COLGALT1: variants seen among roughly 807,000 people sequenced by gnomAD.
COLGALT1 encodes procollagen galactosyltransferase 1.
Under a neutral mutation model 60.8 loss-of-function variants are expected in COLGALT1, and 43 were observed. The observed-to-expected ratio is 0.71, with a 90% CI of 0.55 to 0.91. The LOEUF (loss-of-function observed/expected upper bound fraction) is 0.91, where lower values mean the gene tolerates loss of function less well. Ranked by LOEUF, COLGALT1 falls within the 40% of genes least tolerant of loss-of-function variation. The pLI is 0.00. For missense variants in COLGALT1, 845 were observed against 880.0 expected, an observed-to-expected ratio of 0.96 and a Z score of 0.50; for synonymous variants, 369 against 374.2, an observed-to-expected ratio of 0.99 and a Z score of 0.16.
intron 4 of COLGALT1, among the ~76,000 whole-genome samples, chr19:17,567,969 A>T (rs1016379431): frequency 2.2e-4 from 33 of 151,756 alleles, no homozygotes; most frequent in Admixed American, 9.2e-4. Flanking sequence ...CAAAACAAAA[A>T]CTCATTATGG....
Position 17,572,601 on chromosome 19 carries a change from G to C in COLGALT1, c.948G>C (p.Met316Ile), listed in dbSNP as rs1183540949. 3 of 1,613,868 alleles carry C rather than the reference G, an allele frequency of 1.9e-6. No individual in the cohort carries two copies. Among genetic ancestry groups the C allele is most frequent in the Non-Finnish European group, 2.5e-6 (3 of 1,180,032 alleles). ...ESFMHVQLEV[M>I]VKHPPAEPSR... ...TCATGCATGTGCAGCTGGAGGTCAT[G>C]GGTGAGTCTGCCTGCACACCGCCCT... The change falls in exon 6 of 12, where the codon ATG (methionine) becomes ATC (isoleucine). Residue 316 changes from methionine (M) to isoleucine (I), a missense_variant and splice_region_variant. Met to Ile is a conservative substitution (Grantham distance 10). Coordinates refer to ENST00000252599, the MANE Select transcript of COLGALT1 (RefSeq NM_024656.4).
At chr19:17,567,008 G>A (rs1461659816) in intron 3 of COLGALT1, among the ~76,000 whole-genome samples, 5 of 152,040 alleles carry the variant, frequency 3.3e-5, no homozygotes, top group African/African-American at 7.2e-5. Flanking sequence ...GCAGCTACTC[G>A]GGAGGCTGAG....
intron 3 of COLGALT1, among the ~76,000 whole-genome samples, chr19:17,563,096 CT>C (rs1027260306): frequency 1.3e-5 from 2 of 151,010 alleles, no homozygotes; most frequent in African/African-American, 2.4e-5. Flanking sequence ...CTGGCTTTAG[CT>C]TTTTTTTCCC....
At chr19:17,578,231 T>C in intron 9 of COLGALT1, 142 bp downstream of exon 9, 1 of 840,850 alleles carries the variant, frequency 1.2e-6, no homozygotes, top group Non-Finnish European at 1.7e-6. Flanking sequence ...CTCTCTTTAG[T>C]GAATGATGCG....
chr19:17,577,977 T>TGG lies in COLGALT1; in HGVS notation c.1155_1156dup (p.Glu386GlyfsTer30). On this transcript the variant is annotated frameshift_variant, in exon 9 of 12. Coordinates refer to ENST00000252599, the MANE Select transcript of COLGALT1 (RefSeq NM_024656.4). LOFTEE classifies it high-confidence loss of function. ...TCCAGAGCCATGAACACCAGCCAGG[T>TGG]GGAGGCGCTGGGGATCCAGATGCTG... The TGG allele has an allele frequency of 6.2e-7, 1 of 1,610,760 alleles. No homozygotes were observed. The highest frequency in any genetic ancestry group is 8.5e-7 in the Non-Finnish European group (1 of 1,178,958).
At chr19:17,560,309 G>T in intron 2 of COLGALT1, 39 bp from the exon 3 acceptor site, 1 of 1,562,760 alleles carries the variant, frequency 6.4e-7, no homozygotes, top group Non-Finnish European at 8.8e-7. Flanking sequence ...GGCTTTGATA[G>T]TGCCTTGTGA....
At chr19:17,580,981 C>A in intron 11 of COLGALT1, 76 bp downstream of exon 11, 1 of 1,542,728 alleles carries the variant, frequency 6.5e-7, no homozygotes. Flanking sequence ...GTGAGACTCA[C>A]GGCCTCCGAG....
chr19:17,575,722 C>CTGGA (rs1389738891), intron 6 of COLGALT1, among the ~76,000 whole-genome samples: 3 of 152,060 alleles, frequency 2.0e-5, no homozygotes, highest in Non-Finnish European at 1.5e-5. Flanking sequence ...GTCACCCAGG[C>CTGGA]TGGAGTGCAG....
chr19:17,567,459 C>T lies in COLGALT1; in HGVS notation c.543C>T (p.Ile181=), dbSNP rs375054884. The change falls in exon 4 of 12, where the codon ATC becomes ATT. Residue 181 remains isoleucine, a synonymous_variant. Coordinates refer to ENST00000252599, the MANE Select transcript of COLGALT1 (RefSeq NM_024656.4). ...ACCCTGACACACTGAGCCTGCTCAT[C>T]GCTGAGAACAAGACGGTGGTCGCCC... ...ILNPDTLSLL[I]AENKTVVAPM... is the part of the protein sequence containing the mutation. The T allele has an allele frequency of 1.7e-5, 27 of 1,614,006 alleles. No individual in the cohort carries two copies. Among genetic ancestry groups the T allele is most frequent in the South Asian group, 2.2e-5 (2 of 91,090 alleles).
Position 17,582,760 on chromosome 19 carries a change from T to C in COLGALT1, c.*1316T>C, listed in dbSNP as rs1411232114. On this transcript the variant is annotated 3_prime_UTR_variant, in exon 12 of 12. Coordinates refer to ENST00000252599, the MANE Select transcript of COLGALT1 (RefSeq NM_024656.4). The stretch of plus-strand genomic sequence containing the variant: ...CCCACCACCCAAGAGGGAGGGTAGC[T>C]CTTCCGCCACCAGGGGCAAGCACAG... The C allele has an allele frequency of 6.6e-6, 1 of 152,224 alleles. No homozygotes were observed. The highest frequency in any genetic ancestry group is 1.5e-5 in the Non-Finnish European group (1 of 68,072). 9.4% of individuals were successfully genotyped at this position (152,224 alleles called of 1,614,324 possible).
intron 1 of COLGALT1, among the ~76,000 whole-genome samples, chr19:17,557,091 G>T (rs1443907880): frequency 6.6e-6 from 1 of 152,030 alleles, no homozygotes; most frequent in Non-Finnish European, 1.5e-5. Flanking sequence ...TAATTTATTG[G>T]GCAGAATTAG....
chr19:17,556,632 C>T, intron 1 of COLGALT1: 1 of 710,728 alleles, frequency 1.4e-6, no homozygotes, highest in Non-Finnish European at 1.7e-6. Flanking sequence ...GAAAATGGGT[C>T]CGGGTGCAGT....
At chr19:17,559,037 T>A (rs2076232180) in intron 1 of COLGALT1, among the ~76,000 whole-genome samples, 1 of 152,016 alleles carries the variant, frequency 6.6e-6, no homozygotes, top group East Asian at 1.9e-4. Flanking sequence ...GGCGGGCGCC[T>A]GTAGTCCCAG....
intron 6 of COLGALT1, among the ~76,000 whole-genome samples, chr19:17,573,757 C>T (rs2076325599): frequency 6.6e-6 from 1 of 151,786 alleles, no homozygotes; most frequent in African/African-American, 2.4e-5. Context: ...TGGGCGGATC[C>T]CTGGAACCCA....
chr19:17,566,039 CAG>C (rs2076277942), intron 3 of COLGALT1: 1 of 152,034 alleles, frequency 6.6e-6, no homozygotes, highest in African/African-American at 2.4e-5. Context: ...GCCTGGGTAA[CAG>C]AAAGCATCTC....
At chr19:17,559,978 T>C (rs1325129183) in intron 2 of COLGALT1, among the ~76,000 whole-genome samples, 1 of 152,052 alleles carries the variant, frequency 6.6e-6, no homozygotes, top group Admixed American at 6.6e-5. Flanking sequence ...TTTGTAGAGA[T>C]AGGGTCTCAC....
intron 2 of COLGALT1, 129 bp downstream of exon 2, chr19:17,559,550 T>A: frequency 1.4e-6 from 1 of 706,090 alleles, no homozygotes; most frequent in Non-Finnish European, 2.5e-6. Context: ...CAGGCAGCAT[T>A]AAGCTACTCT....
intron 9 of COLGALT1, 77 bp from the exon 10 acceptor site, chr19:17,579,405 C>T: frequency 6.3e-7 from 1 of 1,596,370 alleles, no homozygotes; most frequent in Non-Finnish European, 8.6e-7. Context: ...TTCAAACCTT[C>T]TCAAAGCAAA....
In COLGALT1 at chr19:17,577,187, C is replaced by T; in HGVS notation, c.950-8C>T. 1 of 1,612,854 alleles carries T rather than the reference C, an allele frequency of 6.2e-7. No individual in the cohort carries two copies. Among genetic ancestry groups the T allele is most frequent in the South Asian group, 1.1e-5 (1 of 91,038 alleles). ...CCCCAGCGACTCCTCAACGTCTGTG[C>T]CCCACAGTGAAGCACCCGCCCGCAG... On this transcript the variant is annotated splice_region_variant and splice_polypyrimidine_tract_variant and intron_variant, in intron 6 of 11. Transcript: ENST00000252599.
Sources: gnomAD v4.1 joint callset for allele counts (sites outside exome capture counted in the v4.1 genomes callset) on GRCh38, gnomAD v4.1.1 for gene constraint, MANE v1.5 for transcripts, NCBI Gene and HGNC (gene_info 2026-07-23, HGNC 2026-07-21) for gene names.